ARRDC2: variants seen among roughly 807,000 people sequenced by gnomAD.
The protein encoded by ARRDC2 is arrestin domain containing 2, also known as arrestin domain-containing protein 2.
Under a neutral mutation model 38.9 loss-of-function variants are expected in ARRDC2, and 39 were observed. That is an observed-to-expected ratio of 1.00 (90% CI 0.78 to 1.31). The LOEUF is 1.31. ARRDC2 is among the 50% of genes most tolerant of loss of function. ARRDC2 has a pLI of 0.00. For missense variants in ARRDC2, 553 were observed against 588.4 expected (o/e 0.94, Z 0.62); for synonymous variants, 300 against 261.9 (o/e 1.15, Z -1.41).
In ARRDC2 at chr19:18,012,946, C is replaced by T; in HGVS notation, c.1204C>T (p.Pro402Ser). The T allele has an allele frequency of 1.2e-6, 2 of 1,613,906 alleles. No individual in the cohort carries two copies. The highest frequency in any genetic ancestry group is 3.3e-5 in the Admixed American group (2 of 59,978). ...AAACCCACTCTTGGGGGACATGAGGCCGCGCTGCATGACTTGCTGAACGGC... is the reference window on the plus strand; with the variant it reads ...AAACCCACTCTTGGGGGACATGAGGTCGCGCTGCATGACTTGCTGAACGGC... ...DPNPLLGDMR[P>S]RCMTC is the part of the protein sequence containing the mutation. The change falls in exon 8 of 8, where the codon CCG (proline) becomes TCG (serine). Residue 402 changes from proline (P) to serine (S), a missense_variant. Pro to Ser is a moderately conservative substitution (Grantham distance 74). Coordinates refer to ENST00000222250, the MANE Select transcript of ARRDC2 (RefSeq NM_015683.2).
chr19:18,010,083 C>A, intron 5 of ARRDC2, 44 bp downstream of exon 5: 1 of 1,605,132 alleles, frequency 6.2e-7, no homozygotes, highest in Non-Finnish European at 8.5e-7. Flanking sequence ...CTACATTCAC[C>A]CTGTATTCCC....
chr19:18,010,427 C>G (rs367815858), intron 6 of ARRDC2, 69 bp downstream of exon 6: 8 of 1,570,462 alleles, frequency 5.1e-6, no homozygotes, highest in Admixed American at 1.7e-5. Context: ...CGGGTCAACT[C>G]TCTCACCACG....
In ARRDC2 at chr19:18,008,257, G is replaced by C; in HGVS notation, c.-54G>C. The C allele has an allele frequency of 1.3e-6, 2 of 1,565,070 alleles. No homozygotes were observed. Among genetic ancestry groups the C allele is most frequent in the Non-Finnish European group, 1.7e-6 (2 of 1,167,420 alleles). The stretch of plus-strand genomic sequence containing the variant: ...GCAGCGTCGGCATCTTGAGCTGCCG[G>C]TTCGCGAGTTCGAGGCCAGGTTCCG... On this transcript the variant is annotated 5_prime_UTR_variant, in exon 1 of 8. Coordinates refer to ENST00000222250, the MANE Select transcript of ARRDC2 (RefSeq NM_015683.2).
chr19:18,009,096 A>C lies in ARRDC2; in HGVS notation c.467A>C (p.Asp156Ala), dbSNP rs1417217217. The C allele has an allele frequency of 3.7e-6, 6 of 1,613,606 alleles. No individual in the cohort carries two copies. Among genetic ancestry groups the C allele is most frequent in the Non-Finnish European group, 5.1e-6 (6 of 1,179,960 alleles). The change falls in exon 3 of 8, where the codon GAC becomes GCC. Residue 156 changes from aspartate to alanine, a missense_variant. This residue lies in a region of ARRDC2 where 447 missense variants were observed against 456.6 expected (regional missense o/e 0.98). Transcript: ENST00000222250. ...GTGTTCACTGTCATCGAGCCTGTGG[A>C]CATCAACACGCCAGCCCTGCTGGTG... ...RKVFTVIEPVDINTPALLAPQ... is the reference protein window; with the variant it reads ...RKVFTVIEPVAINTPALLAPQ...
At position 18,010,349 on chromosome 19, in the gene ARRDC2, C is replaced by T. The variant is rs761043664; in HGVS notation, c.1003C>T (p.Arg335Trp). Residue 335 changes from arginine to tryptophan, a missense_variant, in exon 6 of 8, where the codon CGG (arginine) becomes TGG (tryptophan). By Grantham distance (101) the Arg-to-Trp change is moderately radical. Around this residue, in one of 3 missense-constraint regions of ARRDC2, gnomAD observed 100 missense variants for 107.6 expected, o/e 0.93. Coordinates refer to ENST00000222250, the MANE Select transcript of ARRDC2 (RefSeq NM_015683.2). ...CTGGAGGCTGGGGGCCTTGCCGGAG[C>T]GGCCTGAGGGTAAGCTCCCACCCTG... The part of the protein sequence containing the change: ...LDWRLGALPE[R>W]PEAPPEYSEV... 4.2e-5 allele frequency: 67 copies of T among 1,609,100 alleles called. No homozygotes were observed. In the Middle Eastern group the frequency reaches 6.6e-4, roughly 16 times the overall value.
exon 1 of ARRDC2, chr19:18,001,419 G>C: frequency 1.6e-6 from 2 of 1,229,726 alleles, no homozygotes; most frequent in Non-Finnish European, 2.0e-6. Flanking sequence ...TGCTGGAGGC[G>C]GCGGCGCCGC....
At chr19:18,010,926 C>T (rs1243577429) in intron 7 of ARRDC2, among the ~76,000 whole-genome samples, 197 bp downstream of exon 7, 3 of 152,006 alleles carry the variant, frequency 2.0e-5, no homozygotes, top group African/African-American at 7.3e-5. Flanking sequence ...GCAATCCTTT[C>T]GCCTCAGCCT....
At chr19:18,009,141 G>A in intron 3 of ARRDC2, 23 bp downstream of exon 3, 1 of 1,612,020 alleles carries the variant, frequency 6.2e-7, no homozygotes, top group African/African-American at 1.3e-5. Flanking sequence ...CCTTGGGGAG[G>A]TAGGTTGGGA....
At chr19:18,001,473 C>A in exon 1 of ARRDC2, 1 of 1,286,838 alleles carries the variant, frequency 7.8e-7, no homozygotes, top group Non-Finnish European at 9.8e-7. Flanking sequence ...GCGGGGCGGC[C>A]ACCCACTGGT....
chr19:18,005,363 A>G (rs940605640), upstream of ARRDC2, among the ~76,000 whole-genome samples: 23 of 152,242 alleles, frequency 1.5e-4, no homozygotes, highest in African/African-American at 5.1e-4. Flanking sequence ...AGTACAGAAC[A>G]AAATGAAAAG....
Position 18,013,016 on chromosome 19 carries a change from A to G in ARRDC2, c.*50A>G. ...CAAGGTTGCACACCAGCTTTCAGCCACCATGACTGTGGGGAGTGGCTGGAC... is the reference window on the plus strand; with the variant it reads ...CAAGGTTGCACACCAGCTTTCAGCCGCCATGACTGTGGGGAGTGGCTGGAC... On this transcript the variant is annotated 3_prime_UTR_variant, in exon 8 of 8. Transcript: ENST00000222250. 6.3e-7 allele frequency: 1 copy of G among 1,596,834 alleles called. No individual in the cohort carries two copies. The highest frequency in any genetic ancestry group is 8.6e-7 in the Non-Finnish European group (1 of 1,166,698).
chr19:18,009,149 G>A (rs1439416133), intron 3 of ARRDC2, 31 bp downstream of exon 3: 2 of 1,610,196 alleles, frequency 1.2e-6, no homozygotes, highest in African/African-American at 2.7e-5. Flanking sequence ...AGGTAGGTTG[G>A]GAGTATTGTA....
chr19:18,011,404 A>T (rs113839234), intron 7 of ARRDC2, among the ~76,000 whole-genome samples: 4,451 of 152,014 alleles, frequency 0.029, 95 homozygotes, highest in Non-Finnish European at 0.044. Context: ...AAGTGCTGGG[A>T]TTACAGGCGT....
chr19:18,001,305 G>A lies in ARRDC2; in HGVS notation c.-10G>A, dbSNP rs561496924. On this transcript the variant is annotated 5_prime_UTR_variant, in exon 1 of 8. Transcript: ENST00000379656. The stretch of plus-strand genomic sequence containing the variant: ...TCCGCGTGTCCAAACCGTGTCCCCA[G>A]CCGCGCGCCATGCGCTCTGGGGGCG... 2.0e-5 allele frequency: 24 copies of A among 1,196,958 alleles called. No homozygotes were observed. In the South Asian group the frequency reaches 8.5e-4, roughly 42 times the overall value. 74.1% of individuals were successfully genotyped at this position (1,196,958 alleles called of 1,614,324 possible). A position where few individuals can be genotyped will look rare whatever the true frequency, so the allele number is the denominator to read the frequency against.
In ARRDC2 at chr19:18,009,673, G is replaced by T; in HGVS notation, c.571G>T (p.Asp191Tyr). The T allele has an allele frequency of 6.2e-7, 1 of 1,610,922 alleles. No individual in the cohort carries two copies. Among genetic ancestry groups the T allele is most frequent in the Non-Finnish European group, 8.5e-7 (1 of 1,177,700 alleles). Residue 191 changes from aspartate (D) to tyrosine (Y), a missense_variant, in exon 4 of 8, where the codon GAC becomes TAC. Around this residue, in one of 3 missense-constraint regions of ARRDC2, gnomAD observed 447 missense variants for 456.6 expected, o/e 0.98. Transcript: ENST00000222250. ...CCTAGTCTCCCTTTCGGCCAAGATC[G>T]ACCGCAAGGGCTACACCCCAGGTAG... Reference protein sequence around the residue: ...RGLVSLSAKIDRKGYTPGEVI... With the variant: ...RGLVSLSAKIYRKGYTPGEVI...
chr19:18,001,613 C>G, intron 1 of ARRDC2: 1 of 1,297,136 alleles, frequency 7.7e-7, no homozygotes, highest in Non-Finnish European at 9.8e-7. Flanking sequence ...CAGCCGGGAC[C>G]CCCTCGGCCG....
upstream of ARRDC2, chr19:18,008,030 T>G: frequency 2.8e-5 from 23 of 820,720 alleles, no homozygotes; most frequent in Middle Eastern, 4.1e-4. Flanking sequence ...CAGGGGCGTT[T>G]GTTATTTTGC....
In ARRDC2 at chr19:18,009,776, G is replaced by A; in HGVS notation, c.593-7G>A. ...GGAAACTGAGGCCCCACTGCTCCTT[G>A]CTGCAGGAGAGGTCATCCCTGTCTT... On this transcript the variant is annotated splice_polypyrimidine_tract_variant and splice_region_variant and intron_variant, in intron 4 of 7. Transcript: ENST00000222250. The A allele has an allele frequency of 6.2e-7, 1 of 1,613,080 alleles. No individual in the cohort carries two copies. Among genetic ancestry groups the A allele is most frequent in the East Asian group, 2.2e-5 (1 of 44,888 alleles).
intron 3 of ARRDC2, 27 bp downstream of exon 3, chr19:18,009,145 G>A: frequency 6.2e-7 from 1 of 1,611,242 alleles, no homozygotes; most frequent in Non-Finnish European, 8.5e-7. Flanking sequence ...GGGGAGGTAG[G>A]TTGGGAGTAT....
Sources: allele counts gnomAD v4.1 joint callset (sites outside exome capture counted in the v4.1 genomes callset), GRCh38; gene constraint gnomAD v4.1.1; regional missense constraint gnomAD v4.1.1; transcripts MANE v1.5; gene names NCBI Gene and HGNC (gene_info 2026-07-23, HGNC 2026-07-21).